GPR158: variants seen among roughly 807,000 people sequenced by gnomAD.
GPR158 encodes the protein metabotropic glycine receptor.
Under a neutral mutation model 78.2 loss-of-function variants are expected in GPR158, and 30 were observed. That is an observed-to-expected ratio of 0.38 (90% CI 0.29 to 0.52). The LOEUF (loss-of-function observed/expected upper bound fraction) is 0.52. Among genes scored for constraint, GPR158 ranks in the 20% least tolerant of loss-of-function variants. The pLI, the probability that GPR158 is intolerant of heterozygous loss-of-function variation, is 0.83. For synonymous variants in GPR158, 581 were observed against 591.1 expected (o/e 0.98, Z 0.25); for missense variants, 1,463 against 1,523.5 (o/e 0.96, Z 0.66).
chr10:25,479,576 G>A (rs1239417041), intron 5 of GPR158, among the ~76,000 whole-genome samples: 5 of 152,012 alleles, frequency 3.3e-5, no homozygotes, highest in South Asian at 2.1e-4. Flanking sequence ...CACCTCACCT[G>A]GCTAGTTTTT....
intron 5 of GPR158, among the ~76,000 whole-genome samples, chr10:25,531,331 A>G (rs2130693638): frequency 6.6e-6 from 1 of 152,310 alleles, no homozygotes; most frequent in Non-Finnish European, 1.5e-5. Flanking sequence ...GGTAACAAAA[A>G]GTAAAAACCC....
At chr10:25,390,511 C>T (rs1272949820) in intron 2 of GPR158, among the ~76,000 whole-genome samples, 1 of 152,204 alleles carries the variant, frequency 6.6e-6, no homozygotes, top group Non-Finnish European at 1.5e-5. Flanking sequence ...TGCCCCTGCC[C>T]TAGAGATCTG....
intron 5 of GPR158, among the ~76,000 whole-genome samples, chr10:25,475,187 G>A (rs1189386323): frequency 1.3e-5 from 2 of 151,970 alleles, no homozygotes; most frequent in African/African-American, 4.8e-5. Flanking sequence ...TGTACTTATG[G>A]TGATAACAGA....
chr10:25,455,717 C>CT (rs1835282258), intron 4 of GPR158, among the ~76,000 whole-genome samples: 1 of 152,024 alleles, frequency 6.6e-6, no homozygotes, highest in Non-Finnish European at 1.5e-5. Flanking sequence ...ATATGAGACT[C>CT]TAAAATATCA....
At chr10:25,396,215 A>G (rs559965962) in intron 3 of GPR158, among the ~76,000 whole-genome samples, 43 of 152,314 alleles carry the variant, frequency 2.8e-4, no homozygotes, top group African/African-American at 1.0e-3. Flanking sequence ...AAATATTCTT[A>G]GGTATATATT....
At chr10:25,523,139 C>T (rs535386707) in intron 5 of GPR158, among the ~76,000 whole-genome samples, 2 of 152,184 alleles carry the variant, frequency 1.3e-5, no homozygotes, top group Admixed American at 6.5e-5. Flanking sequence ...TCCATTTTTC[C>T]CCATGGGATG....
At chr10:25,207,980 A>G (rs1260360858) in intron 1 of GPR158, among the ~76,000 whole-genome samples, 1 of 152,170 alleles carries the variant, frequency 6.6e-6, no homozygotes, top group Non-Finnish European at 1.5e-5. Flanking sequence ...TATGTATTTT[A>G]TGCCTAGTAG....
At chr10:25,345,204 CG>C (rs1564428011) in intron 2 of GPR158, among the ~76,000 whole-genome samples, 1 of 151,922 alleles carries the variant, frequency 6.6e-6, no homozygotes, top group African/African-American at 2.4e-5. Flanking sequence ...CGGCAACATT[CG>C]GCAAACAGAG....
intron 2 of GPR158, among the ~76,000 whole-genome samples, chr10:25,222,349 C>G (rs1164548393): frequency 6.8e-6 from 1 of 146,770 alleles, no homozygotes; most frequent in East Asian, 2.1e-4. Flanking sequence ...CGTAATGCTC[C>G]CATATCCCTC....
At chr10:25,244,839 T>G (rs909674316) in intron 2 of GPR158, 1 of 149,804 alleles carries the variant, frequency 6.7e-6, no homozygotes, top group African/African-American at 2.6e-5. Context: ...CTTTGTATCC[T>G]AGACTTTTTT....
intron 5 of GPR158, among the ~76,000 whole-genome samples, chr10:25,486,201 T>C (rs547844529): frequency 4.7e-4 from 72 of 152,298 alleles, no homozygotes; most frequent in African/African-American, 1.6e-3. Context: ...AAAATAGACA[T>C]ATTCAGATGA....
chr10:25,213,724 T>G (rs982943197), intron 1 of GPR158, among the ~76,000 whole-genome samples: 1 of 152,190 alleles, frequency 6.6e-6, no homozygotes, highest in Non-Finnish European at 1.5e-5. Context: ...CATCTAGGCC[T>G]GAAGTTTTCA....
intron 5 of GPR158, among the ~76,000 whole-genome samples, chr10:25,512,596 T>C (rs1046261299): frequency 2.6e-5 from 4 of 152,148 alleles, no homozygotes; most frequent in African/African-American, 9.7e-5. Flanking sequence ...TGGTCAGCCT[T>C]GTCTTGTGTT....
At chr10:25,232,655 G>T (rs866027020) in intron 2 of GPR158, among the ~76,000 whole-genome samples, 1 of 152,032 alleles carries the variant, frequency 6.6e-6, no homozygotes, top group East Asian at 1.9e-4. Context: ...CTCCCCAAGG[G>T]CCTATAGATT....
At chr10:25,473,998 C>A (rs1298844495) in intron 5 of GPR158, among the ~76,000 whole-genome samples, 1 of 152,012 alleles carries the variant, frequency 6.6e-6, no homozygotes, top group African/African-American at 2.4e-5. Flanking sequence ...GGGAGATTAT[C>A]CTGGATTATC....
Position 25,573,065 on chromosome 10 carries a change from G to C in GPR158, c.1753+178G>C, listed in dbSNP as rs146243147. On this transcript the variant is annotated intron_variant, in intron 7 of 10. Coordinates refer to ENST00000376351, the MANE Select transcript of GPR158 (RefSeq NM_020752.3). ...GCATGTGAGATGCAAACTTTTTCTG[G>C]AAGTTTCTATTGTTTTTCAAAGGTA... Among the ~76,000 whole-genome samples the C allele has an allele frequency of 1.8e-3, 273 of 152,284 alleles. 11 individuals are homozygous for C. Among genetic ancestry groups the C allele is most frequent in the Admixed American group, 0.016 (249 of 15,298 alleles).
At chr10:25,475,262 A>G (rs1394943453) in intron 5 of GPR158, among the ~76,000 whole-genome samples, 1 of 152,168 alleles carries the variant, frequency 6.6e-6, no homozygotes, top group Non-Finnish European at 1.5e-5. Context: ...ATATGCTTGT[A>G]AGGAAAAAAA....
chr10:25,281,643 A>AAAATGGCACTTAG (rs202094753), intron 2 of GPR158, among the ~76,000 whole-genome samples: 1,940 of 152,178 alleles, frequency 0.013, 30 homozygotes, highest in South Asian at 0.057. Flanking sequence ...GGATGTAATT[A>AAAATGGCACTTAG]AAATTACTCC....
At chr10:25,555,138 T>C (rs117374400) in intron 6 of GPR158, among the ~76,000 whole-genome samples, 1,729 of 152,220 alleles carry the variant, frequency 0.011, 31 homozygotes, top group South Asian at 0.073. Context: ...TGTAGTATAG[T>C]TTGAAGTCAG....
Sources: gnomAD v4.1 joint callset for allele counts (sites outside exome capture counted in the v4.1 genomes callset) on GRCh38, gnomAD v4.1.1 for gene constraint, MANE v1.5 for transcripts, NCBI Gene and HGNC (gene_info 2026-07-23, HGNC 2026-07-21) for gene names.